The following PAK3 variants were observed in gnomAD, a reference collection of about 807,000 sequenced individuals.
PAK3 encodes the protein serine/threonine-protein kinase PAK 3.
PAK3 carries 4 observed loss-of-function variants against 41.0 expected under a neutral mutation model. That is an observed-to-expected ratio of 0.10 (90% CI 0.05 to 0.22). The LOEUF (loss-of-function observed/expected upper bound fraction) is 0.22, where lower values mean the gene tolerates loss of function less well. Ranked by LOEUF, PAK3 falls within the 10% of genes least tolerant of loss-of-function variation. PAK3 has a pLI of 1.00. For missense variants in PAK3, 205 were observed against 409.9 expected, an observed-to-expected ratio of 0.50 and a Z score of 4.32; for synonymous variants, 146 against 139.6, an observed-to-expected ratio of 1.05 and a Z score of -0.32.
intron 1 of PAK3, among the ~76,000 whole-genome samples, chrX:111,023,207 C>A (rs10126320): frequency 9.0e-6 from 1 of 111,492 alleles, no homozygotes; most frequent in Non-Finnish European, 1.9e-5. Flanking sequence ...CATGTCCCTG[C>A]AAAGGACATG....
intron 11 of PAK3, among the ~76,000 whole-genome samples, chrX:111,178,299 G>A (rs1454157420): frequency 9.0e-6 from 1 of 111,041 alleles, no homozygotes; most frequent in African/African-American, 3.3e-5. Context: ...ATCTGTGCCG[G>A]CATGTATTCA....
At chrX:111,138,900 G>A (rs1314625576) in intron 5 of PAK3, among the ~76,000 whole-genome samples, 3 of 110,345 alleles carry the variant, frequency 2.7e-5, no homozygotes, top group Admixed American at 9.7e-5. Context: ...CCCGGGAGGC[G>A]GAGTTTGTAG....
intron 16 of PAK3, among the ~76,000 whole-genome samples, chrX:111,207,992 G>C (rs1288478060): frequency 8.9e-6 from 1 of 111,960 alleles, no homozygotes; most frequent in South Asian, 3.7e-4. Context: ...ACGAGGTTTC[G>C]CCCTGTGGCC....
At position 111,187,950 on chromosome X, in the gene PAK3, C is replaced by CATAT. The variant is rs3066971; in HGVS notation, c.831-4159_831-4156dup. Among the ~76,000 whole-genome samples, 111 of 97,117 alleles carry CATAT rather than the reference C, an allele frequency of 1.1e-3. 2 individuals are homozygous for CATAT. The highest frequency in any genetic ancestry group is 3.0e-3 in the African/African-American group (79 of 26,772). 84.3% of individuals were successfully genotyped at this position (97,117 alleles called of 115,157 possible). On this transcript the variant is annotated intron_variant, in intron 11 of 17. Coordinates refer to ENST00000372007, the MANE Select transcript of PAK3 (RefSeq NM_002578.5). ...AACCAGGGTACAGGGTAGGGAAATG[C>CATAT]ATATATATATATATATATATACACA...
intron 10 of PAK3, among the ~76,000 whole-genome samples, chrX:111,166,184 C>T (rs1435860968): frequency 1.8e-5 from 2 of 111,536 alleles, no homozygotes; most frequent in African/African-American, 6.5e-5. Context: ...GCTCCTGCTC[C>T]ACCATTACCC....
At chrX:111,133,307 C>A (rs1026596817) in intron 5 of PAK3, among the ~76,000 whole-genome samples, 1 of 111,132 alleles carries the variant, frequency 9.0e-6, no homozygotes, top group Non-Finnish European at 1.9e-5. Context: ...GATGACTTAC[C>A]CTTGCATCTA....
intron 1 of PAK3, among the ~76,000 whole-genome samples, chrX:111,000,836 GA>G (rs2091833824): frequency 8.9e-6 from 1 of 111,967 alleles, no homozygotes; most frequent in African/African-American, 3.3e-5. Flanking sequence ...AGAGAGAGAA[GA>G]AGGGAGGGAG....
At chrX:111,110,884 A>T (rs914225089) in intron 4 of PAK3, among the ~76,000 whole-genome samples, 4 of 111,728 alleles carry the variant, frequency 3.6e-5, no homozygotes, top group Non-Finnish European at 7.5e-5. Flanking sequence ...TTTTTGTAAC[A>T]TTTTTCTCAT....
At chrX:111,114,905 A>G (rs2093435992) in intron 4 of PAK3, among the ~76,000 whole-genome samples, 1 of 112,099 alleles carries the variant, frequency 8.9e-6, no homozygotes, top group Non-Finnish European at 1.9e-5. Context: ...ATTTACCCTC[A>G]GGCCTGCTGA....
chrX:111,200,764 T>C (rs185188450), intron 16 of PAK3, among the ~76,000 whole-genome samples: 1 of 112,473 alleles, frequency 8.9e-6, no homozygotes, highest in African/African-American at 3.2e-5. Flanking sequence ...TGCCTTCTAA[T>C]GAGTAATTTA....
intron 1 of PAK3, among the ~76,000 whole-genome samples, chrX:111,087,423 CAA>C (rs11288618): frequency 3.1e-3 from 294 of 94,323 alleles, no homozygotes; most frequent in South Asian, 8.3e-3. Context: ...TGCATTATTA[CAA>C]AAAAAAAAAA....
Position 111,192,185 on chromosome X carries a change from A to G in PAK3, c.879+10A>G, listed in dbSNP as rs1026562850. The G allele has an allele frequency of 1.9e-6, 2 of 1,027,250 alleles. No individual in the cohort carries two copies. The highest frequency in any genetic ancestry group is 1.9e-5 in the South Asian group (1 of 52,861). The allele number at this position is 1,027,250 out of a possible 1,213,427, so 84.7% of individuals were successfully genotyped here. On this transcript the variant is annotated intron_variant, in intron 12 of 17. Coordinates refer to ENST00000372007, the MANE Select transcript of PAK3 (RefSeq NM_002578.5). ...TGCAACAGGACAAGAGGTAAGTGCT[A>G]ACGTTCAATCCTGATTTTTATTTTC...
chrX:110,963,177 G>T (rs981368535), intron 1 of PAK3, among the ~76,000 whole-genome samples: 1 of 112,485 alleles, frequency 8.9e-6, no homozygotes, highest in Non-Finnish European at 1.9e-5. Flanking sequence ...TGATTGTAGA[G>T]CCTATTTAAA....
At chrX:111,085,029 T>G (rs1044120325) in intron 1 of PAK3, among the ~76,000 whole-genome samples, 1 of 111,998 alleles carries the variant, frequency 8.9e-6, no homozygotes, top group Non-Finnish European at 1.9e-5. Context: ...TCTCCTTAGA[T>G]GAAAATGTAT....
intron 1 of PAK3, among the ~76,000 whole-genome samples, chrX:111,037,868 T>C (rs755044468): frequency 2.1e-3 from 232 of 111,601 alleles, no homozygotes; most frequent in Non-Finnish European, 2.1e-3. Flanking sequence ...TAATTTCCCT[T>C]TCATGAAGGG....
At chrX:111,092,533 G>A (rs747386953), upstream of PAK3, among the ~76,000 whole-genome samples, 2 of 111,997 alleles carry the variant, frequency 1.8e-5, no homozygotes, top group East Asian at 2.8e-4. Context: ...ATGCATAGTA[G>A]TCCAAAATAT....
intron 3 of PAK3, 71 bp downstream of exon 3, chrX:111,097,755 C>G (rs2093035006): frequency 9.0e-6 from 1 of 111,466 alleles, no homozygotes; most frequent in Admixed American, 9.5e-5. Flanking sequence ...GTACTTGAGG[C>G]CTCCAATCAG....
chrX:111,002,569 A>C (rs1344032492), intron 1 of PAK3, among the ~76,000 whole-genome samples: 1 of 111,748 alleles, frequency 8.9e-6, no homozygotes, highest in Non-Finnish European at 1.9e-5. Context: ...AGAGGTGCTA[A>C]GGGGCTATCT....
intron 1 of PAK3, among the ~76,000 whole-genome samples, chrX:111,053,190 T>C (rs1236702430): frequency 3.6e-5 from 4 of 110,952 alleles, no homozygotes; most frequent in Non-Finnish European, 7.6e-5. Context: ...CAAGTACACT[T>C]GATAGAGTGA....
Sources: allele counts gnomAD v4.1 joint callset (sites outside exome capture counted in the v4.1 genomes callset), GRCh38; gene constraint gnomAD v4.1.1; transcripts MANE v1.5; gene names NCBI Gene and HGNC (gene_info 2026-07-23, HGNC 2026-07-21).